Variants in ZFAND3 observed in about 807,000 individuals in gnomAD.
ZFAND3 encodes zinc finger AN1-type containing 3, also known as AN1-type zinc finger protein 3.
ZFAND3 carries 10 observed loss-of-function variants against 29.6 expected under a neutral mutation model. The ratio of observed to expected loss-of-function variants is 0.34; its 90% CI spans 0.21 to 0.57. The LOEUF is 0.57. Ranked by LOEUF, ZFAND3 falls within the 20% of genes least tolerant of loss-of-function variation. The pLI, the probability that ZFAND3 is intolerant of heterozygous loss-of-function variation, is 0.86. For synonymous variants in ZFAND3, 128 were observed against 112.6 expected (o/e 1.14, Z -0.87); for missense variants, 230 against 304.5 (o/e 0.76, Z 1.82).
chr6:38,030,051 GAT>G (rs58560520), intron 2 of ZFAND3, among the ~76,000 whole-genome samples: 114 of 94,732 alleles, frequency 1.2e-3, no homozygotes, highest in East Asian at 3.4e-3. Context: ...AGTTCTGCTG[GAT>G]ATATATATAT....
chr6:37,873,307 T>C (rs886967241), intron 1 of ZFAND3, among the ~76,000 whole-genome samples: 2 of 152,176 alleles, frequency 1.3e-5, no homozygotes, highest in African/African-American at 2.4e-5. Flanking sequence ...AAGGAGTTAA[T>C]GCAGACACAA....
chr6:38,103,172 C>CT (rs1361883626), intron 4 of ZFAND3, among the ~76,000 whole-genome samples: 3 of 152,110 alleles, frequency 2.0e-5, no homozygotes, highest in Non-Finnish European at 4.4e-5. Context: ...CAAACTGCGA[C>CT]TTTAAGGGGA....
chr6:37,905,228 A>G (rs559021113), intron 1 of ZFAND3, among the ~76,000 whole-genome samples: 7 of 152,252 alleles, frequency 4.6e-5, no homozygotes, highest in East Asian at 3.9e-4. Flanking sequence ...TCCTGTGGCA[A>G]TTCCCAAACT....
chr6:37,849,263 G>A (rs1764238549), intron 1 of ZFAND3, among the ~76,000 whole-genome samples: 1 of 152,022 alleles, frequency 6.6e-6, no homozygotes, highest in South Asian at 2.1e-4. Flanking sequence ...GAGTTGCATT[G>A]TTCTATTCAA....
chr6:38,011,923 G>A (rs1439163145), intron 2 of ZFAND3, among the ~76,000 whole-genome samples: 1 of 152,090 alleles, frequency 6.6e-6, no homozygotes, highest in East Asian at 1.9e-4. Context: ...TATATTTCTT[G>A]TCATTCTTTT....
At chr6:38,097,136 C>T (rs760293416) in intron 4 of ZFAND3, among the ~76,000 whole-genome samples, 4 of 152,034 alleles carry the variant, frequency 2.6e-5, no homozygotes, top group Admixed American at 6.6e-5. Flanking sequence ...AGTGCAGTGG[C>T]GTGATCACCG....
rs141542218 is a variant in ZFAND3, at chr6:38,130,589, A to G, written c.529+13850A>G. Among the ~76,000 whole-genome samples, 351 of 152,156 alleles carry G rather than the reference A, an allele frequency of 2.3e-3. 1 individual carries two copies. The highest frequency in any genetic ancestry group is 7.9e-3 in the African/African-American group (330 of 41,512). On this transcript the variant is annotated intron_variant, in intron 5 of 5. Coordinates refer to ENST00000287218, the MANE Select transcript of ZFAND3 (RefSeq NM_021943.3). ...GATGATCATGTGATTTTTGTTTTCA[A>G]TTATGTTTGTGTGGTATATCCCATT...
chr6:37,822,700 G>A (rs1763688935), intron 1 of ZFAND3, among the ~76,000 whole-genome samples: 2 of 152,158 alleles, frequency 1.3e-5, no homozygotes, highest in Admixed American at 6.5e-5. Flanking sequence ...GTAGCCTGGA[G>A]AAAGTGACAC....
At chr6:38,052,505 C>T (rs530135955) in intron 2 of ZFAND3, among the ~76,000 whole-genome samples, 185 of 152,176 alleles carry the variant, frequency 1.2e-3, no homozygotes, top group South Asian at 1.9e-3. Context: ...GTATCCAATA[C>T]GCTAAATTCA....
chr6:38,014,552 C>A (rs542936187), intron 2 of ZFAND3, among the ~76,000 whole-genome samples: 53 of 152,228 alleles, frequency 3.5e-4, no homozygotes, highest in African/African-American at 1.2e-3. Flanking sequence ...GTCTTGAACT[C>A]CTGACCTCAG....
chr6:37,868,494 A>C (rs1017800011), intron 1 of ZFAND3, among the ~76,000 whole-genome samples: 2 of 152,100 alleles, frequency 1.3e-5, no homozygotes, highest in Non-Finnish European at 2.9e-5. Flanking sequence ...GGAGGGTACT[A>C]CCTAGAGATG....
intron 2 of ZFAND3, among the ~76,000 whole-genome samples, chr6:37,942,229 T>C (rs1216955203): frequency 1.3e-5 from 2 of 152,134 alleles, no homozygotes; most frequent in Non-Finnish European, 2.9e-5. Flanking sequence ...TTTAACCCTT[T>C]GACTCACAAA....
chr6:37,824,892 A>T (rs1052998500), intron 1 of ZFAND3, among the ~76,000 whole-genome samples: 16 of 152,250 alleles, frequency 1.1e-4, no homozygotes, highest in Non-Finnish European at 1.9e-4. Flanking sequence ...AGATAAGGAT[A>T]GGGGTAATCT....
chr6:38,107,286 C>T (rs1765228381), intron 4 of ZFAND3, among the ~76,000 whole-genome samples: 1 of 152,182 alleles, frequency 6.6e-6, no homozygotes, highest in Admixed American at 6.5e-5. Flanking sequence ...GCATCTCCTC[C>T]TTGCCAAGAC....
chr6:37,941,119 T>A (rs1761803232), intron 2 of ZFAND3, among the ~76,000 whole-genome samples: 1 of 152,226 alleles, frequency 6.6e-6, no homozygotes, highest in African/African-American at 2.4e-5. Flanking sequence ...ATAAGGAAAC[T>A]GACTCAAATG....
At chr6:38,069,044 C>A (rs915153867) in intron 3 of ZFAND3, among the ~76,000 whole-genome samples, 6 of 152,306 alleles carry the variant, frequency 3.9e-5, no homozygotes, top group African/African-American at 1.4e-4. Context: ...TACATATCTT[C>A]ATTTCTGTCT....
chr6:38,103,429 A>G lies in ZFAND3; in HGVS notation c.362-13143A>G, dbSNP rs55972258. Among the ~76,000 whole-genome samples the G allele has an allele frequency of 2.8e-5, 2 of 72,334 alleles. 1 individual carries two copies. The highest frequency in any genetic ancestry group is 5.5e-5 in the Non-Finnish European group (2 of 36,356). 47.5% of individuals were successfully genotyped at this position (72,334 alleles called of 152,430 possible). ...CACACACACGTATATACACACACAT[A>G]TATATACACGTGTATATATATACAC... is the stretch of plus-strand genomic sequence containing the variant. On this transcript the variant is annotated intron_variant, in intron 4 of 5. Coordinates refer to ENST00000287218, the MANE Select transcript of ZFAND3 (RefSeq NM_021943.3).
intron 1 of ZFAND3, among the ~76,000 whole-genome samples, chr6:37,921,881 GC>G (rs1375025260): frequency 4.6e-5 from 5 of 109,718 alleles, no homozygotes; most frequent in African/African-American, 1.4e-4. Flanking sequence ...CCCCATCTCT[GC>G]AAAAAAAAAA....
chr6:37,997,598 G>A (rs185505964), intron 2 of ZFAND3, among the ~76,000 whole-genome samples: 4 of 152,312 alleles, frequency 2.6e-5, no homozygotes, highest in Admixed American at 1.3e-4. Context: ...AGGGATAGCT[G>A]TTGGGGTAAG....
Sources: gnomAD v4.1 joint callset for allele counts (sites outside exome capture counted in the v4.1 genomes callset) on GRCh38, gnomAD v4.1.1 for gene constraint, MANE v1.5 for transcripts, NCBI Gene and HGNC (gene_info 2026-07-23, HGNC 2026-07-21) for gene names.